TERF1: variants seen among roughly 807,000 people sequenced by gnomAD.
TERF1 encodes the protein telomeric repeat binding factor 1, also known as telomeric repeat-binding factor 1.
TERF1 carries 20 observed loss-of-function variants against 55.1 expected under a neutral mutation model. That is an observed-to-expected ratio of 0.36 (90% CI 0.26 to 0.53). TERF1 has a LOEUF of 0.53. TERF1 is among the 20% of genes least tolerant of loss of function. The pLI is 0.91. For missense variants in TERF1, 439 were observed against 535.7 expected (o/e 0.82, Z 1.78); for synonymous variants, 168 against 181.2 (o/e 0.93, Z 0.59).
At chr8:73,014,441 G>A (rs1382317197) in intron 2 of TERF1, among the ~76,000 whole-genome samples, 4 of 152,068 alleles carry the variant, frequency 2.6e-5, no homozygotes, top group South Asian at 4.1e-4. Flanking sequence ...GTTTTTACTG[G>A]CAACTATTAT....
chr8:73,026,197 CA>C (rs529686071), intron 5 of TERF1, among the ~76,000 whole-genome samples: 1 of 122,830 alleles, frequency 8.1e-6, no homozygotes, highest in Non-Finnish European at 1.7e-5. Context: ...AGACTTGTCT[CA>C]AAAAAAAACA....
intron 8 of TERF1, among the ~76,000 whole-genome samples, chr8:73,037,571 A>AT (rs1444769014): frequency 9.6e-6 from 1 of 104,342 alleles, no homozygotes; most frequent in Non-Finnish European, 1.9e-5. Context: ...AAATATATAT[A>AT]TTTTTTATAT....
At chr8:73,032,666 C>T (rs1809338637) in intron 8 of TERF1, among the ~76,000 whole-genome samples, 1 of 152,070 alleles carries the variant, frequency 6.6e-6, no homozygotes, top group African/African-American at 2.4e-5. Context: ...TTTCTCAGAA[C>T]ATATCCCCCT....
At position 73,008,942 on chromosome 8, in the gene TERF1, G is replaced by A; in HGVS notation, c.56G>A (p.Arg19Lys). ...APSPRGCADGRDADPTEEQMA... is the reference protein window; with the variant it reads ...APSPRGCADGKDADPTEEQMA... Reference sequence around the variant, plus strand: ...AGCCCGCGGGGCTGTGCGGATGGTAGGGATGCCGACCCTACTGAGGAGCAG... The same window carrying A: ...AGCCCGCGGGGCTGTGCGGATGGTAAGGATGCCGACCCTACTGAGGAGCAG... The change falls in exon 1 of 10, where the codon AGG becomes AAG. Residue 19 changes from arginine to lysine, a missense_variant. Around this residue, in one of 4 missense-constraint regions of TERF1, gnomAD observed 179 missense variants for 152.6 expected, o/e 1.17. Transcript: ENST00000276603. The A allele has an allele frequency of 2.5e-6, 4 of 1,612,960 alleles. No homozygotes were observed. The highest frequency in any genetic ancestry group is 3.4e-6 in the Non-Finnish European group (4 of 1,179,706).
At chr8:73,011,941 G>A (rs1198689499) in intron 1 of TERF1, 1 of 151,868 alleles carries the variant, frequency 6.6e-6, no homozygotes, top group African/African-American at 2.4e-5. Flanking sequence ...CTTTTCCTTT[G>A]TATTAACAAC....
At chr8:73,025,535 A>C (rs1020436757) in intron 5 of TERF1, among the ~76,000 whole-genome samples, 4 of 150,648 alleles carry the variant, frequency 2.7e-5, no homozygotes, top group Non-Finnish European at 5.9e-5. Flanking sequence ...GGTGAATCAC[A>C]CGGTCAGGCG....
In TERF1 at chr8:73,032,114, A is replaced by C. The variant is rs1809312969; in HGVS notation, c.1020A>C (p.Arg340Ser). Residue 340 changes from arginine (R) to serine (S), a missense_variant, in exon 8 of 10, where the codon AGA becomes AGC. Arg to Ser is a moderately radical substitution (Grantham distance 110). Transcript: ENST00000276603. Reference protein sequence around the residue: ...TQQQDLNKKERRVGTPQSTKK... With the variant: ...TQQQDLNKKESRVGTPQSTKK... The stretch of plus-strand genomic sequence containing the variant: ...AACAAGACCTTAATAAGAAAGAAAG[A>C]AGAGTAGGAACTCCTCAAAGTGAGT... 1.9e-6 allele frequency: 3 copies of C among 1,611,334 alleles called. No individual in the cohort carries two copies. The highest frequency in any genetic ancestry group is 2.5e-6 in the Non-Finnish European group (3 of 1,178,996).
In TERF1 at chr8:73,046,027, T is replaced by C; in HGVS notation, c.1210T>C (p.Ser404Pro). The change falls in exon 10 of 10, where the codon TCT becomes CCT. Residue 404 changes from serine (S) to proline (P), a missense_variant. By Grantham distance (74) the Ser-to-Pro change is moderately conservative (BLOSUM62 -1). Around this residue, in one of 4 missense-constraint regions of TERF1, gnomAD observed 25 missense variants for 57.3 expected, o/e 0.44. Coordinates refer to ENST00000276603, the MANE Select transcript of TERF1 (RefSeq NM_017489.3). ...GVRKYGEGNW[S>P]KILLHYKFNN... Reference sequence around the variant, plus strand: ...GAGGAAATATGGAGAGGGAAACTGGTCTAAAATACTGTTGCATTATAAATT... The same window carrying C: ...GAGGAAATATGGAGAGGGAAACTGGCCTAAAATACTGTTGCATTATAAATT... 1 of 1,610,394 alleles carries C rather than the reference T, an allele frequency of 6.2e-7. No individual in the cohort carries two copies. The highest frequency in any genetic ancestry group is 8.5e-7 in the Non-Finnish European group (1 of 1,178,578).
Position 73,013,935 on chromosome 8 carries a change from G to A in TERF1, c.360G>A (p.Leu120=), listed in dbSNP as rs748797653. Residue 120 remains leucine (L), a synonymous_variant, in exon 2 of 10, where the codon TTG becomes TTA. Transcript: ENST00000276603. ...HGLSSLTACQ[L]RTIYICQFLT... ...TATCCAGTCTAACAGCTTGCCAGTT[G>A]AGAACGATATACATATGTCAGTTTT... 4.3e-6 allele frequency: 7 copies of A among 1,611,186 alleles called. No homozygotes were observed. Among genetic ancestry groups the A allele is most frequent in the African/African-American group, 1.3e-5 (1 of 74,896 alleles).
chr8:73,013,749 C>A, intron 1 of TERF1, 146 bp from the exon 2 acceptor site: 1 of 547,906 alleles, frequency 1.8e-6, no homozygotes, highest in East Asian at 3.3e-5. Context: ...TTTTTTTGTT[C>A]TGAATTTTAA....
rs560138176 is a variant in TERF1 at position 73,047,084 on chromosome 8, C to T, written c.*947C>T. On this transcript the variant is annotated 3_prime_UTR_variant, in exon 10 of 10. Coordinates refer to ENST00000276603, the MANE Select transcript of TERF1 (RefSeq NM_017489.3). ...ACTTACCTACTGGGGACTGTGCTCA[C>T]TACCTGGGTGACAGGATCATACGTA... 1.3e-5 allele frequency: 2 copies of T among 152,310 alleles called. No individual in the cohort carries two copies. The highest frequency in any genetic ancestry group is 6.5e-5 in the Admixed American group (1 of 15,296). 9.4% of individuals were successfully genotyped at this position (152,310 alleles called of 1,614,324 possible).
At chr8:73,012,536 G>A in intron 1 of TERF1, 1 of 154,920 alleles carries the variant, frequency 6.5e-6, no homozygotes, top group Non-Finnish European at 1.4e-5. Flanking sequence ...AGCCAGCCTT[G>A]GTGGTGGGCG....
Position 73,047,879 on chromosome 8 carries a change from A to T in TERF1, c.*1742A>T, listed in dbSNP as rs900633245. On this transcript the variant is annotated 3_prime_UTR_variant, in exon 10 of 10. Transcript: ENST00000276603. ...TTGTTAAGTCAACCTCATTCCAAACACCTGCTATAGATCATCAAATCTAAG... is the reference window on the plus strand; with the variant it reads ...TTGTTAAGTCAACCTCATTCCAAACTCCTGCTATAGATCATCAAATCTAAG... 6 of 152,196 alleles carry T rather than the reference A, an allele frequency of 3.9e-5. No individual in the cohort carries two copies. The highest frequency in any genetic ancestry group is 1.4e-4 in the African/African-American group (6 of 41,462). 9.4% of individuals were successfully genotyped at this position (152,196 alleles called of 1,614,324 possible).
chr8:73,036,703 T>C (rs1181681547), intron 8 of TERF1, among the ~76,000 whole-genome samples: 1 of 151,614 alleles, frequency 6.6e-6, no homozygotes, highest in Non-Finnish European at 1.5e-5. Flanking sequence ...CCACATGCTT[T>C]AACTCATCCC....
chr8:73,031,112 G>A (rs1434915553), intron 7 of TERF1: 1 of 152,248 alleles, frequency 6.6e-6, no homozygotes, highest in Non-Finnish European at 1.5e-5. Flanking sequence ...GAATCCTCAA[G>A]GCTGAAGTTT....
chr8:73,026,043 A>G (rs1434636429), intron 5 of TERF1, among the ~76,000 whole-genome samples: 1 of 148,390 alleles, frequency 6.7e-6, no homozygotes, highest in Non-Finnish European at 1.5e-5. Flanking sequence ...GAAAAAATAG[A>G]AAAATTTAGC....
chr8:73,012,633 T>C (rs1192062714), intron 1 of TERF1: 5 of 213,386 alleles, frequency 2.3e-5, no homozygotes. Context: ...AGATGCACCA[T>C]TGCACTCCAG....
chr8:73,022,263 A>C lies in TERF1; in HGVS notation c.585A>C (p.Glu195Asp), dbSNP rs1224720375. Residue 195 changes from glutamate to aspartate, a missense_variant, in exon 4 of 10, where the codon GAA (glutamate) becomes GAC (aspartate). Transcript: ENST00000276603. ...MENGNFKEAEEVFERIFGDPN... is the reference protein window; with the variant it reads ...MENGNFKEAEDVFERIFGDPN... ...ATGGCAACTTTAAAGAAGCAGAAGA[A>C]GTCTTTGAAAGAATATTTGGTGATC... 6.3e-7 allele frequency: 1 copy of C among 1,587,108 alleles called. No homozygotes were observed. Among genetic ancestry groups the C allele is most frequent in the South Asian group, 1.2e-5 (1 of 84,518 alleles).
rs749862674 is a variant in TERF1 at position 73,009,017 on chromosome 8, T to C, written c.131T>C (p.Leu44Pro). 6.2e-7 allele frequency: 1 copy of C among 1,611,354 alleles called. No individual in the cohort carries two copies. The highest frequency in any genetic ancestry group is 8.5e-7 in the Non-Finnish European group (1 of 1,179,136). ...NDEEQFECQE[L>P]LECQVQVGAP... is the part of the protein sequence containing the mutation. ...GAGGAGCAGTTCGAATGCCAGGAAC[T>C]GCTCGAGTGCCAGGTGCAGGTGGGG... The change falls in exon 1 of 10, where the codon CTG (leucine) becomes CCG (proline). Residue 44 changes from leucine to proline, a missense_variant. Leu to Pro is a moderately conservative substitution (Grantham distance 98). This residue lies in a region of TERF1 where 179 missense variants were observed against 152.6 expected (regional missense o/e 1.17). Coordinates refer to ENST00000276603, the MANE Select transcript of TERF1 (RefSeq NM_017489.3).
Sources: gnomAD v4.1 joint callset for allele counts (sites outside exome capture counted in the v4.1 genomes callset) on GRCh38, gnomAD v4.1.1 for gene constraint, gnomAD v4.1.1 regional missense constraint, MANE v1.5 for transcripts, NCBI Gene and HGNC (gene_info 2026-07-23, HGNC 2026-07-21) for gene names.